MEGF8: variants seen among roughly 807,000 people sequenced by gnomAD.
MEGF8 encodes multiple epidermal growth factor-like domains protein 8.
A neutral mutation model predicts 302.9 loss-of-function variants in MEGF8; 156 were observed. The ratio of observed to expected loss-of-function variants is 0.52; its 90% CI spans 0.45 to 0.59. The LOEUF (loss-of-function observed/expected upper bound fraction) is 0.59, where lower values mean the gene tolerates loss of function less well. Ranked by LOEUF, MEGF8 falls within the 20% of genes least tolerant of loss-of-function variation. MEGF8 has a pLI of 0.00. For missense variants in MEGF8, 3,345 were observed against 3,964.5 expected (o/e 0.84, Z 4.20); for synonymous variants, 1,621 against 1,660.5 (o/e 0.98, Z 0.58).
In MEGF8 at chr19:42,377,620, C is replaced by T. The variant is rs1410123326; in HGVS notation, c.*845C>T. 2.0e-5 allele frequency: 3 copies of T among 152,220 alleles called. No individual in the cohort carries two copies. Among genetic ancestry groups the T allele is most frequent in the Non-Finnish European group, 2.9e-5 (2 of 68,080 alleles). The allele number at this position is 152,220 out of a possible 1,614,324, so 9.4% of individuals were successfully genotyped here. ...TGGCCAATATGGTGAAACCCCATGT[C>T]TACTAAAAATACAAAAATTAGCTGG... On this transcript the variant is annotated 3_prime_UTR_variant, in exon 42 of 42. Coordinates refer to ENST00000251268, the MANE Select transcript of MEGF8 (RefSeq NM_001271938.2).
At chr19:42,345,455 C>A (rs566641858) in intron 12 of MEGF8, among the ~76,000 whole-genome samples, 1 of 152,204 alleles carries the variant, frequency 6.6e-6, no homozygotes, top group Non-Finnish European at 1.5e-5. Flanking sequence ...TCCACTCTTC[C>A]CCCCGGTCCC....
At position 42,337,131 on chromosome 19, in the gene MEGF8, G is replaced by T; in HGVS notation, c.1438G>T (p.Gly480Cys). ...CCAGGAGGAAAAGTGCTACGAAGAT[G>T]GCATCTTCTTCTACCACCTTGGCTG... ...HYQEEKCYED[G>C]IFFYHLGCHQ... Residue 480 changes from glycine to cysteine, a missense_variant, in exon 8 of 42, where the codon GGC becomes TGC. Transcript: ENST00000251268. 6.2e-7 allele frequency: 1 copy of T among 1,614,008 alleles called. No individual in the cohort carries two copies. Among genetic ancestry groups the T allele is most frequent in the South Asian group, 1.1e-5 (1 of 91,082 alleles).
Position 42,358,113 on chromosome 19 carries a change from T to TC in MEGF8, c.5012-26dup. 1 of 1,500,302 alleles carries TC rather than the reference T, an allele frequency of 6.7e-7. No homozygotes were observed. The highest frequency in any genetic ancestry group is 8.9e-7 in the Non-Finnish European group (1 of 1,126,214). 92.9% of individuals were successfully genotyped at this position (1,500,302 alleles called of 1,614,324 possible). On this transcript the variant is annotated intron_variant, in intron 28 of 41. Transcript: ENST00000251268. The surrounding 1 kb of genome is among the most constrained non-coding windows in gnomAD (Gnocchi z 4.4). ...CGGGGTCAGTGCTGTTGTCAGCCCC[T>TC]CCCCCAGCCTGTCACCCTGCCCCTC...
In MEGF8 at chr19:42,354,525, C is replaced by G; in HGVS notation, c.4012-63C>G. 6.4e-7 allele frequency: 1 copy of G among 1,554,300 alleles called. No individual in the cohort carries two copies. Among genetic ancestry groups the G allele is most frequent in the Non-Finnish European group, 8.7e-7 (1 of 1,145,078 alleles). ...CTCCCCTCTTGAACCCCTCCTCCTC[C>G]CAGACCCCAGGTGTCGTTCTCATCC... On this transcript the variant is annotated intron_variant, in intron 22 of 41. Transcript: ENST00000251268. The surrounding 1 kb of genome is among the most constrained non-coding windows in gnomAD (Gnocchi z 4.3).
chr19:42,369,124 A>G lies in MEGF8; in HGVS notation c.6641+122A>G. The G allele has an allele frequency of 7.8e-7, 1 of 1,288,196 alleles. No homozygotes were observed. Among genetic ancestry groups the G allele is most frequent in the Non-Finnish European group, 1.1e-6 (1 of 951,322 alleles). 79.8% of individuals were successfully genotyped at this position (1,288,196 alleles called of 1,614,324 possible). A position where few individuals can be genotyped will look rare whatever the true frequency, so the allele number is the denominator to read the frequency against. On this transcript the variant is annotated intron_variant, in intron 37 of 41. Transcript: ENST00000251268. The surrounding 1 kb of genome is among the most constrained non-coding windows in gnomAD (Gnocchi z 5.7). ...AAAAGAAAGCTCGAGGCATGAAGGC[A>G]GTGGGATTGATTCCTGAAGGTCAAG...
At position 42,335,053 on chromosome 19, in the gene MEGF8, T is replaced by C. The variant is rs1328884456; in HGVS notation, c.577T>C (p.Cys193Arg). The C allele has an allele frequency of 1.2e-6, 2 of 1,613,200 alleles. No individual in the cohort carries two copies. Among genetic ancestry groups the C allele is most frequent in the Non-Finnish European group, 1.7e-6 (2 of 1,179,606 alleles). The change falls in exon 4 of 42, where the codon TGT becomes CGT. Residue 193 changes from cysteine to arginine, a missense_variant. Transcript: ENST00000251268. The part of the protein sequence containing the change: ...TCASPLGPCR[C>R]EPGFLGRACD... ...CCCGCAGCCCCTGGGACCATGCCGC[T>C]GTGAGCCTGGCTTCTTGGGACGTGC...
chr19:42,339,949 TCAGGAGACTGAGG>T (rs968825171), intron 8 of MEGF8, among the ~76,000 whole-genome samples: 1 of 152,142 alleles, frequency 6.6e-6, no homozygotes, highest in African/African-American at 2.4e-5. Context: ...TCCCAGCTAC[TCAGGAGACTGAGG>T]CAGGAGAATT....
rs374168560 is a variant in MEGF8 at position 42,358,963 on chromosome 19, T to G, written c.5343+9T>G. ...CACCTCACCTGAAGGAGGTGAGATTTGAAGAGGGTTAGGATTGGGTGGGCT... is the reference window on the plus strand; with the variant it reads ...CACCTCACCTGAAGGAGGTGAGATTGGAAGAGGGTTAGGATTGGGTGGGCT... On this transcript the variant is annotated intron_variant, in intron 30 of 41. Transcript: ENST00000251268. This position sits in a 1 kb window ranked among gnomAD's most constrained non-coding sequence, Gnocchi z 4.4. 1.9e-5 allele frequency: 30 copies of G among 1,606,176 alleles called. No individual in the cohort carries two copies. In the African/African-American group the frequency reaches 3.9e-4, roughly 21 times the overall value.
chr19:42,339,680 G>A (rs920328042), intron 8 of MEGF8, among the ~76,000 whole-genome samples: 2 of 152,172 alleles, frequency 1.3e-5, no homozygotes, highest in Non-Finnish European at 2.9e-5. Flanking sequence ...TCTGTTGATA[G>A]TATCTTTAGC....
At position 42,357,352 on chromosome 19, in the gene MEGF8, G is replaced by C; in HGVS notation, c.4831-52G>C. 6.3e-7 allele frequency: 1 copy of C among 1,580,428 alleles called. No homozygotes were observed. The highest frequency in any genetic ancestry group is 1.7e-5 in the Admixed American group (1 of 58,678). Reference sequence around the variant, plus strand: ...GGCTGAGGCTCGCTTCTACCCACAAGGTGACCCCTGACCTCTAGCCCCATC... The same window carrying C: ...GGCTGAGGCTCGCTTCTACCCACAACGTGACCCCTGACCTCTAGCCCCATC... On this transcript the variant is annotated intron_variant, in intron 27 of 41. Transcript: ENST00000251268. The surrounding 1 kb of genome is among the most constrained non-coding windows in gnomAD (Gnocchi z 5.2).
Position 42,375,605 on chromosome 19 carries a change from G to A in MEGF8, c.7368G>A (p.Thr2456=), listed in dbSNP as rs779163527. ...AGCAGGAGTGCTGCCTGGACCCCAC[G>A]TCCCAGACCAACTGCTTCCATGAGC... The part of the protein sequence containing the change: ...SVEQECCLDP[T]SQTNCFHEPK... The change falls in exon 42 of 42, where the codon ACG becomes ACA. Residue 2456 remains threonine (T), a synonymous_variant. Transcript: ENST00000251268. The surrounding 1 kb of genome is among the most constrained non-coding windows in gnomAD (Gnocchi z 7.1). 92 of 1,605,088 alleles carry A rather than the reference G, an allele frequency of 5.7e-5. 1 individual carries two copies. Among genetic ancestry groups the A allele is most frequent in the Admixed American group, 1.7e-4 (10 of 58,838 alleles).
At position 42,353,102 on chromosome 19, in the gene MEGF8, C is replaced by T. The variant is rs2039400670; in HGVS notation, c.3525C>T (p.Gly1175=). ...CSFHSHCRKR[G]PGFCDECQDW... ...TCCACAGCCACTGCCGCAAGCGGGGCCCTGGCTTCTGCGACGAGTGCCAGG... is the reference window on the plus strand; with the variant it reads ...TCCACAGCCACTGCCGCAAGCGGGGTCCTGGCTTCTGCGACGAGTGCCAGG... Residue 1175 remains glycine (G), a synonymous_variant, in exon 20 of 42, where the codon GGC becomes GGT. Coordinates refer to ENST00000251268, the MANE Select transcript of MEGF8 (RefSeq NM_001271938.2). This position sits in a 1 kb window ranked among gnomAD's most constrained non-coding sequence, Gnocchi z 6.1. 3.2e-6 allele frequency: 5 copies of T among 1,547,958 alleles called. No homozygotes were observed. The highest frequency in any genetic ancestry group is 4.4e-6 in the Non-Finnish European group (5 of 1,146,028).
rs568749594 is a variant in MEGF8 at position 42,375,041 on chromosome 19, G to A, written c.7270-466G>A. Among the ~76,000 whole-genome samples, 65 of 152,194 alleles carry A rather than the reference G, an allele frequency of 4.3e-4. No individual in the cohort carries two copies. The highest frequency in any genetic ancestry group is 8.8e-4 in the Non-Finnish European group (60 of 68,046). On this transcript the variant is annotated intron_variant, in intron 41 of 41. Transcript: ENST00000251268. This position sits in a 1 kb window ranked among gnomAD's most constrained non-coding sequence, Gnocchi z 7.1. The stretch of plus-strand genomic sequence containing the variant: ...AGAAGAAGCATCCAGGCAGGCAGGC[G>A]AGGCTGGCTGACCCTGCGCCGAGTG...
intron 23 of MEGF8, among the ~76,000 whole-genome samples, chr19:42,355,512 G>C (rs2039438143): frequency 6.6e-6 from 1 of 152,086 alleles, no homozygotes; most frequent in Non-Finnish European, 1.5e-5. Flanking sequence ...TGTCCAGGTG[G>C]GACAGGACTT....
At chr19:42,366,223 CAG>C (rs2039604020) in intron 35 of MEGF8, among the ~76,000 whole-genome samples, 1 of 152,102 alleles carries the variant, frequency 6.6e-6, no homozygotes, top group African/African-American at 2.4e-5. Context: ...TTTTTTGAAA[CAG>C]AGTCTCGCTC....
At chr19:42,334,932 CCT>C in intron 3 of MEGF8, 101 bp from the exon 4 acceptor site, 1 of 1,143,432 alleles carries the variant, frequency 8.7e-7, no homozygotes, top group South Asian at 1.7e-5. Flanking sequence ...CCCTTTGTGC[CCT>C]GTCTGTCTCA....
rs1335995633 is a variant in MEGF8, at chr19:42,358,755, C to T, written c.5176-32C>T. On this transcript the variant is annotated intron_variant, in intron 29 of 41. Coordinates refer to ENST00000251268, the MANE Select transcript of MEGF8 (RefSeq NM_001271938.2). This position sits in a 1 kb window ranked among gnomAD's most constrained non-coding sequence, Gnocchi z 4.4. ...GGCTAGAAGCAAGAGACTCGAGGAG[C>T]CTCAACCCCAGGACGCCCCCACTGT... The T allele has an allele frequency of 6.7e-7, 1 of 1,489,862 alleles. No individual in the cohort carries two copies. Among genetic ancestry groups the T allele is most frequent in the Non-Finnish European group, 8.9e-7 (1 of 1,120,390 alleles). 92.3% of individuals were successfully genotyped at this position (1,489,862 alleles called of 1,614,324 possible). A position where few individuals can be genotyped will look rare whatever the true frequency, so the allele number is the denominator to read the frequency against.
chr19:42,350,426 G>A, intron 15 of MEGF8, 42 bp downstream of exon 15: 1 of 1,443,908 alleles, frequency 6.9e-7, no homozygotes. Flanking sequence ...GGTGGAGGGA[G>A]CCACAGCAGG....
rs149246261 is a variant in MEGF8 at position 42,344,512 on chromosome 19, C to T, written c.1860C>T (p.Ser620=). 10 of 1,599,306 alleles carry T rather than the reference C, an allele frequency of 6.3e-6. No individual in the cohort carries two copies. In the African/African-American group the frequency reaches 6.7e-5, roughly 11 times the overall value. Residue 620 remains serine (S), a synonymous_variant, in exon 11 of 42, where the codon AGC becomes AGT. Coordinates refer to ENST00000251268, the MANE Select transcript of MEGF8 (RefSeq NM_001271938.2). The surrounding 1 kb of genome is among the most constrained non-coding windows in gnomAD (Gnocchi z 4.5). ...GCCAGGCCTGCCTGGCCTTCAGCAG[C>T]CCCACAGCCCCTCCACGGGGACCTG... The part of the protein sequence containing the change: ...GDCQACLAFS[S]PTAPPRGPGT...
Sources: allele counts gnomAD v4.1 joint callset (sites outside exome capture counted in the v4.1 genomes callset), GRCh38; gene constraint gnomAD v4.1.1; non-coding constraint Gnocchi (gnomAD v3.1); transcripts MANE v1.5; gene names NCBI Gene and HGNC (gene_info 2026-07-23, HGNC 2026-07-21).